The following TBC1D22A variants were observed in gnomAD, a reference collection of about 807,000 sequenced individuals.
TBC1D22A encodes TBC1 domain family member 22A, also known as putative GTPase activator.
Under a neutral mutation model 60.2 loss-of-function variants are expected in TBC1D22A, and 38 were observed. That is an observed-to-expected ratio of 0.63 (90% CI 0.49 to 0.83). TBC1D22A has a LOEUF of 0.83. Ranked by LOEUF, TBC1D22A falls within the 40% of genes least tolerant of loss-of-function variation. The pLI is 0.00. For synonymous variants in TBC1D22A, 302 were observed against 281.7 expected (o/e 1.07, Z -0.72); for missense variants, 628 against 701.0 (o/e 0.90, Z 1.18).
At chr22:46,891,187 CT>C (rs2068385458) in intron 5 of TBC1D22A, 78 bp from the exon 6 acceptor site, 2 of 1,442,942 alleles carry the variant, frequency 1.4e-6, no homozygotes, top group Non-Finnish European at 9.2e-7. Flanking sequence ...TGATGCAAGT[CT>C]TTTTATTTCA....
chr22:47,064,852 CT>C (rs535874804), intron 11 of TBC1D22A, among the ~76,000 whole-genome samples: 2 of 152,314 alleles, frequency 1.3e-5, no homozygotes, highest in African/African-American at 4.8e-5. Flanking sequence ...CTCCAAGTGT[CT>C]TTAGTTTCTT....
At chr22:46,943,341 C>G (rs956498315) in intron 8 of TBC1D22A, among the ~76,000 whole-genome samples, 1 of 152,154 alleles carries the variant, frequency 6.6e-6, no homozygotes, top group African/African-American at 2.4e-5. Context: ...TGTGTTTTTT[C>G]CGCACATGAT....
At chr22:46,958,999 G>A (rs1330623108) in intron 8 of TBC1D22A, among the ~76,000 whole-genome samples, 2 of 152,122 alleles carry the variant, frequency 1.3e-5, no homozygotes, top group Admixed American at 6.5e-5. Context: ...TTCTAATTCA[G>A]TATAAAATGA....
At chr22:46,940,937 C>A (rs2071980378) in intron 8 of TBC1D22A, among the ~76,000 whole-genome samples, 1 of 144,560 alleles carries the variant, frequency 6.9e-6, no homozygotes, top group African/African-American at 2.6e-5. Context: ...ACAGTCCACC[C>A]TTGAACAGCA....
intron 12 of TBC1D22A, among the ~76,000 whole-genome samples, chr22:47,171,030 T>C (rs1052292404): frequency 1.3e-5 from 2 of 152,178 alleles, no homozygotes; most frequent in Non-Finnish European, 2.9e-5. Flanking sequence ...ACAGCCAGGA[T>C]GTGAGCCCAG....
At chr22:47,046,598 G>A (rs2063040383) in intron 11 of TBC1D22A, among the ~76,000 whole-genome samples, 1 of 152,196 alleles carries the variant, frequency 6.6e-6, no homozygotes, top group South Asian at 2.1e-4. Context: ...CCCTGGCATG[G>A]GCATTGGACT....
At chr22:47,114,869 C>A (rs2065974750) in intron 12 of TBC1D22A, among the ~76,000 whole-genome samples, 1 of 152,136 alleles carries the variant, frequency 6.6e-6, no homozygotes, top group African/African-American at 2.4e-5. Flanking sequence ...GGTCACGCTG[C>A]CCCTTAATTC....
intron 8 of TBC1D22A, among the ~76,000 whole-genome samples, chr22:46,963,401 G>T (rs1004190298): frequency 1.3e-5 from 1 of 75,054 alleles, no homozygotes. Context: ...GGCCCAGGGA[G>T]CCTTCAGAGA....
chr22:46,911,298 G>A (rs1400115153), intron 7 of TBC1D22A, among the ~76,000 whole-genome samples: 1 of 152,274 alleles, frequency 6.6e-6, no homozygotes, highest in African/African-American at 2.4e-5. Context: ...CGTAAGTGAT[G>A]GAAGATGTTT....
At chr22:46,876,246 G>T (rs979044749) in intron 4 of TBC1D22A, among the ~76,000 whole-genome samples, 3 of 152,146 alleles carry the variant, frequency 2.0e-5, no homozygotes, top group Non-Finnish European at 4.4e-5. Flanking sequence ...AATAATCATT[G>T]TATCTACAGA....
At chr22:46,780,852 G>A (rs538441730) in intron 1 of TBC1D22A, among the ~76,000 whole-genome samples, 27 of 152,366 alleles carry the variant, frequency 1.8e-4, no homozygotes, top group Non-Finnish European at 3.5e-4. Context: ...GCACGCTGCT[G>A]TCAGGCAAGG....
intron 11 of TBC1D22A, among the ~76,000 whole-genome samples, chr22:47,081,544 G>A (rs1000240066): frequency 2.0e-5 from 3 of 152,126 alleles, no homozygotes; most frequent in African/African-American, 7.2e-5. Context: ...CAAGGAAAAA[G>A]CTCAATTGTC....
At chr22:47,108,758 C>T (rs1323166077) in intron 11 of TBC1D22A, among the ~76,000 whole-genome samples, 1 of 152,162 alleles carries the variant, frequency 6.6e-6, no homozygotes, top group Non-Finnish European at 1.5e-5. Context: ...TGCAGTGGCT[C>T]GATCTCGGCT....
At chr22:46,996,752 A>G (rs1050559459) in intron 9 of TBC1D22A, among the ~76,000 whole-genome samples, 4 of 152,092 alleles carry the variant, frequency 2.6e-5, no homozygotes, top group Non-Finnish European at 5.9e-5. Context: ...CTGCCTCTTC[A>G]TGTTCCTGCT....
chr22:46,828,606 A>T (rs1044469199), intron 4 of TBC1D22A, among the ~76,000 whole-genome samples: 24 of 152,222 alleles, frequency 1.6e-4, no homozygotes, highest in African/African-American at 4.6e-4. Flanking sequence ...GTTAGAGGCC[A>T]GTCTGCTTAC....
intron 4 of TBC1D22A, among the ~76,000 whole-genome samples, chr22:46,852,359 G>A (rs2087325308): frequency 6.6e-6 from 1 of 152,168 alleles, no homozygotes; most frequent in South Asian, 2.1e-4. Context: ...TGCTGCGTGT[G>A]CCCCCCTGTC....
chr22:46,912,758 T>C (rs1351488094), intron 8 of TBC1D22A, among the ~76,000 whole-genome samples: 2 of 152,210 alleles, frequency 1.3e-5, no homozygotes, highest in African/African-American at 4.8e-5. Context: ...GCTTTCACCA[T>C]GTTGGCCAGG....
At chr22:47,161,553 T>C (rs549925656) in intron 12 of TBC1D22A, among the ~76,000 whole-genome samples, 8 of 152,286 alleles carry the variant, frequency 5.3e-5, no homozygotes, top group African/African-American at 1.9e-4. Flanking sequence ...TGTGAAAAAG[T>C]TTAAAATACA....
chr22:46,900,108 C>T (rs1466436352), intron 7 of TBC1D22A, among the ~76,000 whole-genome samples: 2 of 151,612 alleles, frequency 1.3e-5, no homozygotes, highest in East Asian at 1.9e-4. Context: ...TAATAAAATT[C>T]ACGTATTTTA....
Sources: allele counts gnomAD v4.1 joint callset (sites outside exome capture counted in the v4.1 genomes callset), GRCh38; gene constraint gnomAD v4.1.1; transcripts MANE v1.5; gene names NCBI Gene and HGNC (gene_info 2026-07-23, HGNC 2026-07-21).